TMCC3: variants seen among roughly 807,000 people sequenced by gnomAD.
TMCC3 encodes transmembrane and coiled-coil domain protein 3.
Under a neutral mutation model 40.2 loss-of-function variants are expected in TMCC3, and 28 were observed. The ratio of observed to expected loss-of-function variants is 0.70; its 90% CI spans 0.52 to 0.95. TMCC3 has a LOEUF of 0.95. TMCC3 is among the 40% of genes least tolerant of loss of function. The pLI is 0.00. For missense variants in TMCC3, 554 were observed against 615.2 expected, an observed-to-expected ratio of 0.90 and a Z score of 1.05; for synonymous variants, 255 against 248.5, an observed-to-expected ratio of 1.03 and a Z score of -0.25.
At chr12:94,640,950 A>C (rs905331897) in intron 1 of TMCC3, among the ~76,000 whole-genome samples, 5 of 152,262 alleles carry the variant, frequency 3.3e-5, no homozygotes, top group Non-Finnish European at 7.3e-5. Flanking sequence ...CTGTAATCCC[A>C]GCACTTTGGG....
chr12:94,591,980 A>G (rs2068678824), intron 1 of TMCC3, among the ~76,000 whole-genome samples: 1 of 152,212 alleles, frequency 6.6e-6, no homozygotes, highest in Non-Finnish European at 1.5e-5. Context: ...ATCTGTTACT[A>G]GAAACATATT....
At chr12:94,641,447 C>G (rs1049249214) in intron 1 of TMCC3, among the ~76,000 whole-genome samples, 11 of 152,064 alleles carry the variant, frequency 7.2e-5, no homozygotes, top group African/African-American at 2.4e-4. Flanking sequence ...CGGCTGGGCT[C>G]TCAAATTGGC....
At chr12:94,631,956 T>C (rs1449348070) in intron 1 of TMCC3, among the ~76,000 whole-genome samples, 3 of 152,236 alleles carry the variant, frequency 2.0e-5, no homozygotes, top group Non-Finnish European at 4.4e-5. Context: ...AAAAGTATAT[T>C]GACACTACTC....
At chr12:94,576,816 G>A (rs557393043) in intron 3 of TMCC3, among the ~76,000 whole-genome samples, 5 of 152,082 alleles carry the variant, frequency 3.3e-5, no homozygotes, top group Non-Finnish European at 7.4e-5. Flanking sequence ...GGAGCCTGGG[G>A]TTGTTTCACT....
rs760031512 is a variant in TMCC3, at chr12:94,581,901, T to TA, written c.715dup (p.Tyr239LeufsTer16). ...GTTCACGATGGTAGCGCTGCCCCCG[T>TA]AGGCCCTGGCACTCGCCTCTGGCCT... is the stretch of plus-strand genomic sequence containing the variant. On this transcript the variant is annotated frameshift_variant, in exon 2 of 4. Coordinates refer to ENST00000261226, the MANE Select transcript of TMCC3 (RefSeq NM_020698.4). LOFTEE classifies it high-confidence loss of function. The TA allele has an allele frequency of 6.2e-6, 10 of 1,614,256 alleles. No homozygotes were observed. Among genetic ancestry groups the TA allele is most frequent in the Non-Finnish European group, 7.6e-6 (9 of 1,180,034 alleles).
chr12:94,624,874 C>T (rs557567175), intron 1 of TMCC3, among the ~76,000 whole-genome samples: 4 of 152,206 alleles, frequency 2.6e-5, no homozygotes, highest in Admixed American at 2.6e-4. Context: ...GGTGCGGTGG[C>T]TCATGCCTGT....
chr12:94,567,168 T>G lies in TMCC3; in HGVS notation c.*4267A>C, dbSNP rs764934147. On this transcript the variant is annotated 3_prime_UTR_variant, in exon 4 of 4. Transcript: ENST00000261226. ...TCTTTATTTAACACCAAAGCTAACA[T>G]CAAGTGTTTATTTAAAAAAATAATG... 1 of 152,182 alleles carries G rather than the reference T, an allele frequency of 6.6e-6. No homozygotes were observed. The highest frequency in any genetic ancestry group is 2.4e-5 in the African/African-American group (1 of 41,438). 9.4% of individuals were successfully genotyped at this position (152,182 alleles called of 1,614,324 possible).
chr12:94,601,395 A>G (rs956590630), intron 1 of TMCC3, among the ~76,000 whole-genome samples: 6 of 152,066 alleles, frequency 3.9e-5, no homozygotes, highest in African/African-American at 1.4e-4. Flanking sequence ...GATGCCTGTA[A>G]TCCCAGCTAC....
intron 1 of TMCC3, among the ~76,000 whole-genome samples, chr12:94,616,823 C>T (rs868419783): frequency 2.5e-4 from 38 of 152,232 alleles, no homozygotes; most frequent in African/African-American, 8.7e-4. Flanking sequence ...CCCGGAGGGT[C>T]CCACTTAACT....
At chr12:94,600,569 T>C (rs1004915308) in intron 1 of TMCC3, among the ~76,000 whole-genome samples, 3 of 152,196 alleles carry the variant, frequency 2.0e-5, no homozygotes, top group Non-Finnish European at 4.4e-5. Context: ...CAACTTCCAA[T>C]GTCTTCCTCC....
At chr12:94,593,274 G>C (rs2068690074) in intron 1 of TMCC3, among the ~76,000 whole-genome samples, 1 of 150,480 alleles carries the variant, frequency 6.6e-6, no homozygotes, top group African/African-American at 2.5e-5. Context: ...GGCTGAGGCA[G>C]GAGAATCACT....
rs184662064 is a variant in TMCC3, at chr12:94,640,690, G to A, written c.78+9663C>T. ...ACTTTGGGAAACTGCGGTAGACCAC[G>A]AATGACTCAAACTCAGAACAACAAA... is the stretch of plus-strand genomic sequence containing the variant. On this transcript the variant is annotated intron_variant, in intron 1 of 3. Transcript: ENST00000261226. Among the ~76,000 whole-genome samples the A allele has an allele frequency of 3.9e-5, 6 of 152,310 alleles. No individual in the cohort carries two copies. In the East Asian group the frequency reaches 5.8e-4, roughly 15 times the overall value.
chr12:94,584,904 A>C (rs1281834413), intron 1 of TMCC3, among the ~76,000 whole-genome samples: 1 of 152,168 alleles, frequency 6.6e-6, no homozygotes, highest in Non-Finnish European at 1.5e-5. Context: ...AACAATCTTT[A>C]AGTCCTAGAG....
chr12:94,646,854 T>TA (rs939958329), intron 1 of TMCC3, among the ~76,000 whole-genome samples: 1 of 151,932 alleles, frequency 6.6e-6, no homozygotes, highest in African/African-American at 2.4e-5. Context: ...GAAAGGCTAT[T>TA]TAGGACCTTG....
chr12:94,616,658 G>C (rs2068849825), intron 1 of TMCC3, among the ~76,000 whole-genome samples: 1 of 152,184 alleles, frequency 6.6e-6, no homozygotes. Context: ...GCGAGCACTT[G>C]GAAGGAGCTG....
rs2068506636 is a variant in TMCC3, at chr12:94,568,269, T to C, written c.*3166A>G. ...CATTATGGATTTCCATTTTTTTTTT[T>C]TTTTTTTGGCAGTTGGGGGTGGGGT... On this transcript the variant is annotated 3_prime_UTR_variant, in exon 4 of 4. Coordinates refer to ENST00000261226, the MANE Select transcript of TMCC3 (RefSeq NM_020698.4). 1 of 151,934 alleles carries C rather than the reference T, an allele frequency of 6.6e-6. No individual in the cohort carries two copies. Among genetic ancestry groups the C allele is most frequent in the African/African-American group, 2.4e-5 (1 of 41,274 alleles). 9.4% of individuals were successfully genotyped at this position (151,934 alleles called of 1,614,324 possible).
At chr12:94,634,581 G>A (rs1337104949) in intron 1 of TMCC3, among the ~76,000 whole-genome samples, 1 of 152,156 alleles carries the variant, frequency 6.6e-6, no homozygotes, top group African/African-American at 2.4e-5. Flanking sequence ...ATTTTAAACA[G>A]CCAGAGTGCG....
At chr12:94,647,937 T>C (rs1036450758) in intron 1 of TMCC3, among the ~76,000 whole-genome samples, 16 of 152,206 alleles carry the variant, frequency 1.1e-4, no homozygotes, top group Non-Finnish European at 2.1e-4. Context: ...TTCCTCGCTG[T>C]CTCAACAATA....
chr12:94,597,124 CATATAT>C lies in TMCC3; in HGVS notation c.79-14592_79-14587del, dbSNP rs869220054. On this transcript the variant is annotated intron_variant, in intron 1 of 3. Transcript: ENST00000261226. ...GTAAGTCACTGTCTCTATTAAAATA[CATATAT>C]ATATATATATATATATATATATATA... Among the ~76,000 whole-genome samples the C allele has an allele frequency of 6.0e-3, 180 of 29,824 alleles. 5 individuals carry two copies. Among genetic ancestry groups the C allele is most frequent in the Middle Eastern group, 0.033 (1 of 30 alleles). 19.6% of individuals were successfully genotyped at this position (29,824 alleles called of 152,430 possible).
Sources: allele counts gnomAD v4.1 joint callset (sites outside exome capture counted in the v4.1 genomes callset), GRCh38; gene constraint gnomAD v4.1.1; transcripts MANE v1.5; gene names NCBI Gene and HGNC (gene_info 2026-07-23, HGNC 2026-07-21).